The following SLC24A1 variants were observed in gnomAD, a reference collection of about 807,000 sequenced individuals.
The protein encoded by SLC24A1 is sodium/potassium/calcium exchanger 1.
Under a neutral mutation model 88.1 loss-of-function variants are expected in SLC24A1, and 52 were observed. The observed-to-expected ratio is 0.59, with a 90% CI of 0.47 to 0.74. The LOEUF (loss-of-function observed/expected upper bound fraction) is 0.74. Ranked by LOEUF, SLC24A1 falls within the 30% of genes least tolerant of loss-of-function variation. The probability of loss-of-function intolerance (pLI) is 0.00; values close to 1 mark genes in which losing one functional copy is unlikely to be tolerated. For synonymous variants in SLC24A1, 455 were observed against 498.0 expected, an observed-to-expected ratio of 0.91 and a Z score of 1.15; for missense variants, 1,173 against 1,363.3, an observed-to-expected ratio of 0.86 and a Z score of 2.20.
At chr15:65,631,277 C>T (rs2074715504) in intron 2 of SLC24A1, among the ~76,000 whole-genome samples, 1 of 152,160 alleles carries the variant, frequency 6.6e-6, no homozygotes, top group South Asian at 2.1e-4. Context: ...TTTCTAGATG[C>T]TCTGCCACCT....
At chr15:65,640,512 G>A (rs1596330765) in intron 4 of SLC24A1, among the ~76,000 whole-genome samples, 1 of 152,118 alleles carries the variant, frequency 6.6e-6, no homozygotes, top group African/African-American at 2.4e-5. Context: ...CTGGGGCTCT[G>A]GTGCAGAACC....
intron 2 of SLC24A1, among the ~76,000 whole-genome samples, chr15:65,627,514 T>G (rs750513863): frequency 1.3e-5 from 2 of 152,202 alleles, no homozygotes; most frequent in Non-Finnish European, 2.9e-5. Flanking sequence ...TCAGTGCTAT[T>G]TCCCACCAGA....
chr15:65,649,536 C>T (rs909471411), intron 6 of SLC24A1, among the ~76,000 whole-genome samples: 1 of 151,768 alleles, frequency 6.6e-6, no homozygotes, highest in African/African-American at 2.4e-5. Flanking sequence ...AACTTCATCA[C>T]TTATAAACCA....
chr15:65,656,482 T>A (rs1245182497), downstream of SLC24A1, among the ~76,000 whole-genome samples: 1 of 152,226 alleles, frequency 6.6e-6, no homozygotes, highest in Non-Finnish European at 1.5e-5. Flanking sequence ...GAAATTAAAT[T>A]TTTTGGTCAC....
chr15:65,649,241 A>G (rs764940709), intron 6 of SLC24A1, among the ~76,000 whole-genome samples: 1 of 152,166 alleles, frequency 6.6e-6, no homozygotes, highest in Non-Finnish European at 1.5e-5. Context: ...CTAGGATTAC[A>G]GGCGCCTGCC....
chr15:65,643,809 G>C (rs1382100682), intron 4 of SLC24A1: 6 of 153,730 alleles, frequency 3.9e-5, no homozygotes, highest in African/African-American at 1.4e-4. Flanking sequence ...GGTCAAAAAG[G>C]GTGTATCCGA....
At chr15:65,620,943 T>C (rs946908097), upstream of SLC24A1, among the ~76,000 whole-genome samples, 1 of 152,234 alleles carries the variant, frequency 6.6e-6, no homozygotes, top group African/African-American at 2.4e-5. Flanking sequence ...CCTCAGGTCC[T>C]GATCCCAGGC....
In SLC24A1 at chr15:65,654,748, C is replaced by A; in HGVS notation, c.*669C>A. 1 of 1,216,980 alleles carries A rather than the reference C, an allele frequency of 8.2e-7. No individual in the cohort carries two copies. The highest frequency in any genetic ancestry group is 1.1e-6 in the Non-Finnish European group (1 of 930,008). The allele number at this position is 1,216,980 out of a possible 1,614,324, so 75.4% of individuals were successfully genotyped here. On this transcript the variant is annotated 3_prime_UTR_variant, in exon 10 of 10. Transcript: ENST00000261892. The stretch of plus-strand genomic sequence containing the variant: ...GAGACAGAGTTTGGCTCTTGTTGCC[C>A]AGGCTGGTGTGCAATGGCGTGATCT...
At chr15:65,638,691 A>G (rs1186155031) in intron 3 of SLC24A1, among the ~76,000 whole-genome samples, 1 of 152,178 alleles carries the variant, frequency 6.6e-6, no homozygotes, top group Non-Finnish European at 1.5e-5. Flanking sequence ...GGGAACTTTG[A>G]AAGGAGTTCC....
At chr15:65,615,967 G>A (rs1195931850) in intron 2 of SLC24A1, among the ~76,000 whole-genome samples, 3 of 146,756 alleles carry the variant, frequency 2.0e-5, no homozygotes, top group African/African-American at 7.6e-5. Context: ...CTATCGGTGA[G>A]AACATGCAGT....
downstream of SLC24A1, among the ~76,000 whole-genome samples, chr15:65,657,570 G>A (rs1033582337): frequency 6.6e-6 from 1 of 152,226 alleles, no homozygotes; most frequent in African/African-American, 2.4e-5. Context: ...GTGAACCCCG[G>A]GGGGCGGAGC....
intron 2 of SLC24A1, among the ~76,000 whole-genome samples, chr15:65,613,016 T>A (rs959356521): frequency 2.0e-5 from 3 of 152,256 alleles, no homozygotes; most frequent in Non-Finnish European, 2.9e-5. Flanking sequence ...ATCAGAAGGT[T>A]GTTCAGTGAC....
intron 8 of SLC24A1, chr15:65,652,434 G>A (rs1157080037): frequency 2.0e-6 from 1 of 511,586 alleles, no homozygotes; most frequent in Non-Finnish European, 3.5e-6. Flanking sequence ...GAGCAACATG[G>A]TCCCTGTGGC....
intron 8 of SLC24A1, 51 bp downstream of exon 8, chr15:65,651,810 T>C: frequency 1.1e-6 from 1 of 925,070 alleles, no homozygotes; most frequent in Non-Finnish European, 1.8e-6. Context: ...CCAACGACAC[T>C]TTCCTTCAGG....
chr15:65,648,776 A>G (rs2075396516), intron 6 of SLC24A1, among the ~76,000 whole-genome samples: 2 of 152,030 alleles, frequency 1.3e-5, no homozygotes, highest in Non-Finnish European at 2.9e-5. Flanking sequence ...CTGAGATTAC[A>G]GGTGTGAGCC....
At position 65,653,991 on chromosome 15, in the gene SLC24A1, G is replaced by A; in HGVS notation, c.3212G>A (p.Gly1071Asp). Residue 1071 changes from glycine to aspartate, a missense_variant, in exon 10 of 10, where the codon GGC becomes GAC. Gly to Asp is a moderately conservative substitution (Grantham distance 94). Coordinates refer to ENST00000261892, the MANE Select transcript of SLC24A1 (RefSeq NM_004727.3). ...SCKWRMNKILGFTMFLLYFVF... is the reference protein window; with the variant it reads ...SCKWRMNKILDFTMFLLYFVF... Reference sequence around the variant, plus strand: ...AAATGGAGAATGAACAAGATCCTGGGCTTCACAATGTTCCTCCTTTACTTT... The same window carrying A: ...AAATGGAGAATGAACAAGATCCTGGACTTCACAATGTTCCTCCTTTACTTT... 6.2e-7 allele frequency: 1 copy of A among 1,613,908 alleles called. No individual in the cohort carries two copies. The highest frequency in any genetic ancestry group is 8.5e-7 in the Non-Finnish European group (1 of 1,179,814).
intron 4 of SLC24A1, chr15:65,643,023 C>G: frequency 1.2e-5 from 15 of 1,289,300 alleles, no homozygotes; most frequent in Non-Finnish European, 1.4e-5. Flanking sequence ...CAGCTGCTCT[C>G]AACTACTCTT....
chr15:65,653,391 G>C (rs967608953), intron 9 of SLC24A1, among the ~76,000 whole-genome samples: 3 of 151,914 alleles, frequency 2.0e-5, no homozygotes, highest in African/African-American at 7.3e-5. Context: ...CAGCTAAAAA[G>C]GCAGCCCTCA....
chr15:65,627,864 A>G (rs553048642), intron 2 of SLC24A1, among the ~76,000 whole-genome samples: 2 of 152,326 alleles, frequency 1.3e-5, no homozygotes, highest in Non-Finnish European at 1.5e-5. Context: ...TACATAACCT[A>G]CTGAAGGGAC....
Sources: gnomAD v4.1 joint callset for allele counts (sites outside exome capture counted in the v4.1 genomes callset) on GRCh38, gnomAD v4.1.1 for gene constraint, MANE v1.5 for transcripts, NCBI Gene and HGNC (gene_info 2026-07-23, HGNC 2026-07-21) for gene names.